PPM1L: variants seen among roughly 807,000 people sequenced by gnomAD.
PPM1L encodes protein phosphatase, Mg2+/Mn2+ dependent 1L.
A neutral mutation model predicts 31.4 loss-of-function variants in PPM1L; 13 were observed. The ratio of observed to expected loss-of-function variants is 0.41; its 90% CI spans 0.27 to 0.66. The LOEUF (loss-of-function observed/expected upper bound fraction) is 0.66, where lower values mean the gene tolerates loss of function less well. Ranked by LOEUF, PPM1L falls within the 30% of genes least tolerant of loss-of-function variation. The pLI, the probability that PPM1L is intolerant of heterozygous loss-of-function variation, is 0.29. For missense variants in PPM1L, 326 were observed against 453.7 expected (o/e 0.72, Z 2.56); for synonymous variants, 184 against 175.4 (o/e 1.05, Z -0.39).
chr3:161,001,040 C>G (rs1717463572), intron 2 of PPM1L, among the ~76,000 whole-genome samples: 1 of 152,150 alleles, frequency 6.6e-6, no homozygotes, highest in Non-Finnish European at 1.5e-5. Flanking sequence ...AAGAATATAA[C>G]TTGAGTCTAC....
chr3:160,826,040 C>T (rs1425506079), intron 1 of PPM1L, among the ~76,000 whole-genome samples: 1 of 152,110 alleles, frequency 6.6e-6, no homozygotes, highest in African/African-American at 2.4e-5. Context: ...TCACTTTCTG[C>T]CTTGACTTGT....
At chr3:160,800,039 A>G (rs557923355) in intron 1 of PPM1L, among the ~76,000 whole-genome samples, 45 of 152,332 alleles carry the variant, frequency 3.0e-4, no homozygotes, top group African/African-American at 1.0e-3. Flanking sequence ...AAATGCATGA[A>G]TAAAGGAATA....
rs767299876 is a variant in PPM1L, at chr3:160,756,734, T to A, written c.399+27T>A. The A allele has an allele frequency of 3.2e-6, 5 of 1,585,768 alleles. No homozygotes were observed. Among genetic ancestry groups the A allele is most frequent in the Non-Finnish European group, 3.4e-6 (4 of 1,166,268 alleles). On this transcript the variant is annotated intron_variant, in intron 1 of 3. Coordinates refer to ENST00000498165, the MANE Select transcript of PPM1L (RefSeq NM_139245.4). This position sits in a 1 kb window ranked among gnomAD's most constrained non-coding sequence, Gnocchi z 6.2. ...TAGGAGCTACCCCGGGGCTTTGTAT[T>A]TGTGTCCGTGTATGTCTCGTGTGTG... is the stretch of plus-strand genomic sequence containing the variant.
chr3:160,977,514 T>G (rs183123770), intron 2 of PPM1L, among the ~76,000 whole-genome samples: 20 of 152,356 alleles, frequency 1.3e-4, no homozygotes, highest in Admixed American at 1.2e-3. Flanking sequence ...TGTTTCAAAA[T>G]AACACCTGTA....
chr3:160,904,319 G>A (rs1383581839), intron 1 of PPM1L, among the ~76,000 whole-genome samples: 2 of 152,038 alleles, frequency 1.3e-5, no homozygotes, highest in Non-Finnish European at 2.9e-5. Context: ...CATATATGAT[G>A]TTCTTTCAAT....
intron 2 of PPM1L, among the ~76,000 whole-genome samples, chr3:161,043,394 T>G (rs545656661): frequency 1.3e-5 from 2 of 152,310 alleles, no homozygotes; most frequent in African/African-American, 4.8e-5. Context: ...CCTGGCCAGC[T>G]TCTTTATCAA....
chr3:160,949,152 C>A (rs190039460), intron 1 of PPM1L, among the ~76,000 whole-genome samples: 8 of 152,224 alleles, frequency 5.3e-5, no homozygotes, highest in African/African-American at 1.9e-4. Context: ...ACTGATGAAG[C>A]CCAGTGACCG....
intron 2 of PPM1L, among the ~76,000 whole-genome samples, chr3:161,042,073 C>T (rs1335808904): frequency 6.6e-6 from 1 of 152,178 alleles, no homozygotes; most frequent in Non-Finnish European, 1.5e-5. Flanking sequence ...TCCTCCCCAC[C>T]ACCCTTGGCT....
chr3:161,037,927 T>C (rs775214523), intron 2 of PPM1L, among the ~76,000 whole-genome samples: 9 of 152,042 alleles, frequency 5.9e-5, no homozygotes, highest in East Asian at 1.9e-4. Context: ...CTGGGTCACA[T>C]TGCCTCATAA....
chr3:160,888,378 A>G (rs1713008082), intron 1 of PPM1L, among the ~76,000 whole-genome samples: 1 of 152,196 alleles, frequency 6.6e-6, no homozygotes, highest in South Asian at 2.1e-4. Context: ...AGGGGTTTCA[A>G]TCCTCATCTC....
chr3:161,065,597 C>G (rs1486328230), intron 3 of PPM1L, 33 bp downstream of exon 3: 1 of 1,602,080 alleles, frequency 6.2e-7, no homozygotes, highest in Non-Finnish European at 8.5e-7. Flanking sequence ...GAAATGTCTG[C>G]TGTCTTGCTG....
intron 1 of PPM1L, among the ~76,000 whole-genome samples, chr3:160,766,156 C>A (rs1312554239): frequency 6.6e-6 from 1 of 152,096 alleles, no homozygotes; most frequent in African/African-American, 2.4e-5. Context: ...TTTAGGCCCT[C>A]CTCTGAAAAG....
chr3:161,002,388 A>T (rs374081939), intron 2 of PPM1L, among the ~76,000 whole-genome samples: 7 of 152,200 alleles, frequency 4.6e-5, no homozygotes, highest in Admixed American at 1.3e-4. Flanking sequence ...GTATTTCTAG[A>T]TCTAGATCCC....
At chr3:160,943,861 A>G (rs1715235531) in intron 1 of PPM1L, among the ~76,000 whole-genome samples, 1 of 152,146 alleles carries the variant, frequency 6.6e-6, no homozygotes, top group South Asian at 2.1e-4. Context: ...TGACTTCTTT[A>G]TTCTAGGGCA....
intron 2 of PPM1L, among the ~76,000 whole-genome samples, chr3:161,056,931 C>T (rs978139921): frequency 4.6e-5 from 7 of 152,000 alleles, no homozygotes; most frequent in African/African-American, 1.4e-4. Context: ...GGCATGGTGG[C>T]GCACGCCTGT....
intron 1 of PPM1L, among the ~76,000 whole-genome samples, chr3:160,898,033 A>AT (rs1713407776): frequency 6.6e-6 from 1 of 152,314 alleles, no homozygotes; most frequent in East Asian, 1.9e-4. Flanking sequence ...TAAATGAAAG[A>AT]TTTTTAACTT....
At chr3:160,802,920 C>G (rs1037015160) in intron 1 of PPM1L, among the ~76,000 whole-genome samples, 2 of 152,190 alleles carry the variant, frequency 1.3e-5, no homozygotes, top group African/African-American at 4.8e-5. Flanking sequence ...TGTGGCTGTA[C>G]AGAGTCTTGG....
intron 1 of PPM1L, among the ~76,000 whole-genome samples, chr3:160,898,292 G>A (rs1434241964): frequency 6.6e-6 from 1 of 152,106 alleles, no homozygotes; most frequent in East Asian, 1.9e-4. Flanking sequence ...CAAAATAATA[G>A]CTTATTCATA....
intron 2 of PPM1L, among the ~76,000 whole-genome samples, chr3:160,976,242 TA>T (rs1263357362): frequency 6.8e-6 from 1 of 146,286 alleles, no homozygotes; most frequent in African/African-American, 2.6e-5. Context: ...TCATGGTGGA[TA>T]AGCTTTTTGA....
Sources: gnomAD v4.1 joint callset for allele counts (sites outside exome capture counted in the v4.1 genomes callset) on GRCh38, gnomAD v4.1.1 for gene constraint, Gnocchi (gnomAD v3.1) non-coding constraint, MANE v1.5 for transcripts, NCBI Gene and HGNC (gene_info 2026-07-23, HGNC 2026-07-21) for gene names.